TRPC7: variants seen among roughly 807,000 people sequenced by gnomAD.
TRPC7 encodes short transient receptor potential channel 7.
TRPC7 carries 42 observed loss-of-function variants against 90.1 expected under a neutral mutation model. That is an observed-to-expected ratio of 0.47 (90% CI 0.36 to 0.60). The LOEUF (loss-of-function observed/expected upper bound fraction) is 0.60. TRPC7 is among the 20% of genes least tolerant of loss of function. The pLI is 0.00. For missense variants in TRPC7, 955 were observed against 1,112.3 expected, an observed-to-expected ratio of 0.86 and a Z score of 2.01; for synonymous variants, 451 against 436.3, an observed-to-expected ratio of 1.03 and a Z score of -0.42.
chr5:136,252,582 G>A (rs1027999316), intron 5 of TRPC7, among the ~76,000 whole-genome samples: 1 of 147,564 alleles, frequency 6.8e-6, no homozygotes, highest in African/African-American at 2.5e-5. Context: ...TTGGCACCAG[G>A]GACCAGTTTC....
chr5:136,226,287 C>T, intron 8 of TRPC7, 32 bp from the exon 9 acceptor site: 1 of 1,503,776 alleles, frequency 6.6e-7, no homozygotes, highest in Non-Finnish European at 9.0e-7. Flanking sequence ...AACACACCCT[C>T]AAAGGCCACG....
intron 3 of TRPC7, among the ~76,000 whole-genome samples, chr5:136,302,521 T>C (rs1758437162): frequency 6.6e-6 from 1 of 152,112 alleles, no homozygotes. Context: ...CATGTCTCTA[T>C]GCTCTCTTTT....
At chr5:136,362,924 C>G (rs1178019672) in intron 1 of TRPC7, among the ~76,000 whole-genome samples, 1 of 152,098 alleles carries the variant, frequency 6.6e-6, no homozygotes, top group Non-Finnish European at 1.5e-5. Context: ...TTAATTCATT[C>G]CTAAATATTT....
chr5:136,225,192 T>C lies in TRPC7; in HGVS notation c.2343+82A>G, dbSNP rs1340617326. 6 of 1,225,334 alleles carry C rather than the reference T, an allele frequency of 4.9e-6. No homozygotes were observed. In the African/African-American group the frequency reaches 9.1e-5, roughly 19 times the overall value. 75.9% of individuals were successfully genotyped at this position (1,225,334 alleles called of 1,614,324 possible). A position where few individuals can be genotyped will look rare whatever the true frequency, so the allele number is the denominator to read the frequency against. ...GGAATGAAGCTGTGTTCTCGGGGGA[T>C]GACACAGTCATGGGACTAAATCTGT... On this transcript the variant is annotated intron_variant, in intron 10 of 11. Transcript: ENST00000513104.
At chr5:136,232,054 A>T (rs1755834261) in intron 7 of TRPC7, among the ~76,000 whole-genome samples, 1 of 152,250 alleles carries the variant, frequency 6.6e-6, no homozygotes, top group African/African-American at 2.4e-5. Context: ...TTGAAAGAAT[A>T]TTAAAAATGG....
chr5:136,297,819 G>T (rs922639681), intron 3 of TRPC7, among the ~76,000 whole-genome samples: 2 of 152,100 alleles, frequency 1.3e-5, no homozygotes, highest in Non-Finnish European at 2.9e-5. Context: ...ATCACATCAT[G>T]GACTGCTTTC....
Position 136,356,814 on chromosome 5 carries a change from G to T in TRPC7, c.574C>A (p.Arg192=), listed in dbSNP as rs370032512. The change falls in exon 2 of 12, where the codon CGG becomes AGG. Residue 192 remains arginine (R), a synonymous_variant. Transcript: ENST00000513104. ...CACTTGCAGAAGTAGTCGTGGGGCC[G>T]CTCGATGCGGGCGCCCTTGAGCAGC... ...ILLLKGARIE[R]PHDYFCKCNE... 8.1e-5 allele frequency: 131 copies of T among 1,613,228 alleles called. No individual in the cohort carries two copies. In the East Asian group the frequency reaches 2.1e-3, roughly 26 times the overall value.
intron 7 of TRPC7, among the ~76,000 whole-genome samples, chr5:136,240,790 T>G (rs1452399497): frequency 7.2e-5 from 11 of 152,182 alleles, no homozygotes; most frequent in Non-Finnish European, 1.5e-5. Flanking sequence ...AGCCTCAGTT[T>G]CCTGTAATAG....
chr5:136,213,904 A>C (rs1227534745), intron 11 of TRPC7: 56 of 331,500 alleles, frequency 1.7e-4, no homozygotes, highest in Non-Finnish European at 1.0e-4. Flanking sequence ...CACTTGTTTC[A>C]TAAAATACTT....
In TRPC7 at chr5:136,247,763, C is replaced by CGAG. The variant is rs1756391163; in HGVS notation, c.1580-31_1580-29dup. 2 of 1,600,870 alleles carry CGAG rather than the reference C, an allele frequency of 1.2e-6. No individual in the cohort carries two copies. ...AAAAGAAAACAATCTGGGTTACTCA[C>CGAG]GAGGCCACAGGATCTATTCTAGAAG... On this transcript the variant is annotated intron_variant, in intron 6 of 11. Transcript: ENST00000513104. The surrounding 1 kb of genome is among the most constrained non-coding windows in gnomAD (Gnocchi z 4.2).
At chr5:136,308,584 C>A (rs1433082727) in intron 3 of TRPC7, among the ~76,000 whole-genome samples, 1 of 152,238 alleles carries the variant, frequency 6.6e-6, no homozygotes, top group East Asian at 1.9e-4. Flanking sequence ...CTCACTGGCC[C>A]TGCCTGTGCT....
chr5:136,359,773 G>GGC (rs900282028), intron 1 of TRPC7, among the ~76,000 whole-genome samples: 1 of 130,884 alleles, frequency 7.6e-6, no homozygotes, highest in Non-Finnish European at 1.8e-5. Flanking sequence ...CTGTCATCTG[G>GGC]GCACACACAC....
chr5:136,304,191 C>G (rs551279638), intron 3 of TRPC7, among the ~76,000 whole-genome samples: 1 of 151,962 alleles, frequency 6.6e-6, no homozygotes, highest in Non-Finnish European at 1.5e-5. Context: ...TGTATCCCCT[C>G]ACCTTAGCCC....
In TRPC7 at chr5:136,251,693, A is replaced by T. The variant is rs541652034; in HGVS notation, c.1535T>A (p.Leu512Gln). 6.2e-7 allele frequency: 1 copy of T among 1,613,052 alleles called. No individual in the cohort carries two copies. The highest frequency in any genetic ancestry group is 1.1e-5 in the South Asian group (1 of 91,036). The change falls in exon 6 of 12, where the codon CTG becomes CAG. Residue 512 changes from leucine (L) to glutamine (Q), a missense_variant. Coordinates refer to ENST00000513104, the MANE Select transcript of TRPC7 (RefSeq NM_020389.3). ...YVDQHVQDDTLHNVSLPPEVA... is the reference protein window; with the variant it reads ...YVDQHVQDDTQHNVSLPPEVA... ...TTCCGGCGGAAGCGAGACATTGTGC[A>T]GCGTGTCGTCCTGCACGTGCTGGTC...
chr5:136,291,203 A>G (rs1580908896), intron 3 of TRPC7, among the ~76,000 whole-genome samples: 2 of 152,334 alleles, frequency 1.3e-5, no homozygotes, highest in East Asian at 1.9e-4. Context: ...AATTGTAAAG[A>G]CCATCAAGGC....
intron 3 of TRPC7, among the ~76,000 whole-genome samples, chr5:136,290,686 G>T (rs1332989857): frequency 6.6e-6 from 1 of 152,188 alleles, no homozygotes; most frequent in Non-Finnish European, 1.5e-5. Context: ...GAAAGTGACG[G>T]GGAGAATGGA....
chr5:136,222,652 T>C (rs1358736567), intron 10 of TRPC7, among the ~76,000 whole-genome samples: 2 of 152,216 alleles, frequency 1.3e-5, no homozygotes, highest in African/African-American at 4.8e-5. Flanking sequence ...ACTGTGTGCT[T>C]GGAAGGCTCA....
chr5:136,262,017 C>T (rs746269893), intron 5 of TRPC7, among the ~76,000 whole-genome samples: 19 of 152,170 alleles, frequency 1.2e-4, no homozygotes, highest in Non-Finnish European at 2.5e-4. Flanking sequence ...TGACTGCTCT[C>T]TTTCTCTCAC....
chr5:136,312,158 A>G (rs955326121), intron 3 of TRPC7, among the ~76,000 whole-genome samples: 13 of 152,144 alleles, frequency 8.5e-5, no homozygotes, highest in African/African-American at 2.4e-4. Context: ...ACCCTGCTTG[A>G]CATTTCGAAG....
Sources: gnomAD v4.1 joint callset for allele counts (sites outside exome capture counted in the v4.1 genomes callset) on GRCh38, gnomAD v4.1.1 for gene constraint, Gnocchi (gnomAD v3.1) non-coding constraint, MANE v1.5 for transcripts, NCBI Gene and HGNC (gene_info 2026-07-23, HGNC 2026-07-21) for gene names.